The following SCFD2 variants were observed in gnomAD, a reference collection of about 807,000 sequenced individuals.
The protein encoded by SCFD2 is sec1 family domain containing 2.
Under a neutral mutation model 58.9 loss-of-function variants are expected in SCFD2, and 54 were observed. The ratio of observed to expected loss-of-function variants is 0.92; its 90% CI spans 0.74 to 1.15. The LOEUF (loss-of-function observed/expected upper bound fraction) is 1.15, where lower values mean the gene tolerates loss of function less well. SCFD2 is among the 50% of genes most tolerant of loss of function. SCFD2 has a pLI of 0.00. For synonymous variants in SCFD2, 321 were observed against 335.9 expected, an observed-to-expected ratio of 0.96 and a Z score of 0.49; for missense variants, 805 against 836.6, an observed-to-expected ratio of 0.96 and a Z score of 0.47.
At chr4:53,087,307 G>C (rs1453911369) in intron 5 of SCFD2, among the ~76,000 whole-genome samples, 2 of 152,194 alleles carry the variant, frequency 1.3e-5, no homozygotes, top group East Asian at 3.9e-4. Context: ...TAGAACTTGT[G>C]GGCAAATAAA....
At chr4:53,174,654 G>C (rs1210173964) in intron 4 of SCFD2, among the ~76,000 whole-genome samples, 1 of 152,060 alleles carries the variant, frequency 6.6e-6, no homozygotes, top group Non-Finnish European at 1.5e-5. Context: ...GATTAAATTG[G>C]GCACAGGGAA....
At chr4:53,031,057 GC>G (rs1403928995) in intron 5 of SCFD2, among the ~76,000 whole-genome samples, 2 of 152,220 alleles carry the variant, frequency 1.3e-5, no homozygotes, top group African/African-American at 2.4e-5. Flanking sequence ...TCTGGTAGGT[GC>G]CCCTGTGGGA....
chr4:52,921,332 C>G (rs998034199), intron 5 of SCFD2, among the ~76,000 whole-genome samples: 1 of 152,168 alleles, frequency 6.6e-6, no homozygotes, highest in Non-Finnish European at 1.5e-5. Flanking sequence ...AATGCACTAA[C>G]AAAGCACGTG....
intron 2 of SCFD2, among the ~76,000 whole-genome samples, chr4:53,334,386 T>C (rs1220437455): frequency 3.3e-5 from 5 of 152,012 alleles, no homozygotes; most frequent in African/African-American, 1.2e-4. Flanking sequence ...ATTAAGAAAA[T>C]GTGGCACATA....
intron 5 of SCFD2, among the ~76,000 whole-genome samples, chr4:53,081,930 A>C (rs1724159494): frequency 6.6e-6 from 1 of 152,156 alleles, no homozygotes. Flanking sequence ...TATTCTGGAC[A>C]TTTCATATAA....
chr4:52,943,215 A>G (rs1027912803), intron 5 of SCFD2, among the ~76,000 whole-genome samples: 1 of 147,836 alleles, frequency 6.8e-6, no homozygotes, highest in Non-Finnish European at 1.5e-5. Flanking sequence ...TCAGTAACTC[A>G]TGCCTTAAAC....
At chr4:53,127,396 T>C (rs1400924721) in intron 5 of SCFD2, among the ~76,000 whole-genome samples, 1 of 151,946 alleles carries the variant, frequency 6.6e-6, no homozygotes, top group Non-Finnish European at 1.5e-5. Flanking sequence ...TTATTAAGAG[T>C]CTTCTATGTG....
intron 3 of SCFD2, among the ~76,000 whole-genome samples, chr4:53,284,678 CAAG>C (rs2149080521): frequency 6.6e-6 from 1 of 151,956 alleles, no homozygotes; most frequent in East Asian, 1.9e-4. Context: ...GGGGTTTAAA[CAAG>C]AAAGAAATAT....
chr4:53,099,384 A>G (rs1205999279), intron 5 of SCFD2, among the ~76,000 whole-genome samples: 1 of 152,188 alleles, frequency 6.6e-6, no homozygotes, highest in Non-Finnish European at 1.5e-5. Context: ...TTCCTCATTA[A>G]ATATCCTCTA....
At chr4:53,009,990 G>C (rs1722061115) in intron 5 of SCFD2, among the ~76,000 whole-genome samples, 2 of 152,142 alleles carry the variant, frequency 1.3e-5, no homozygotes, top group Non-Finnish European at 2.9e-5. Context: ...GCTGCACTGA[G>C]AGCTTGGAGC....
intron 6 of SCFD2, among the ~76,000 whole-genome samples, chr4:52,909,659 G>A (rs1443677486): frequency 6.6e-6 from 1 of 151,932 alleles, no homozygotes; most frequent in Non-Finnish European, 1.5e-5. Flanking sequence ...CACTACAAAC[G>A]GCAAGAATGA....
intron 5 of SCFD2, among the ~76,000 whole-genome samples, chr4:53,079,820 T>C (rs1408577704): frequency 6.6e-6 from 1 of 152,144 alleles, no homozygotes; most frequent in Non-Finnish European, 1.5e-5. Context: ...AGTCACTCTC[T>C]CCATTATAAA....
chr4:53,060,426 T>C (rs1184056733), intron 5 of SCFD2, among the ~76,000 whole-genome samples: 1 of 152,048 alleles, frequency 6.6e-6, no homozygotes, highest in Non-Finnish European at 1.5e-5. Context: ...CCTCAAGAGG[T>C]TGAAAGATGC....
At chr4:53,104,365 G>T (rs1468531303) in intron 5 of SCFD2, among the ~76,000 whole-genome samples, 1 of 152,132 alleles carries the variant, frequency 6.6e-6, no homozygotes, top group Non-Finnish European at 1.5e-5. Context: ...TCCCAGCTAA[G>T]AGCATACAAA....
chr4:53,263,661 T>G (rs1577912060), intron 4 of SCFD2, among the ~76,000 whole-genome samples: 1 of 151,856 alleles, frequency 6.6e-6, no homozygotes. Context: ...AGCAGGGGAG[T>G]GAAGTGGACT....
At chr4:53,056,592 C>A (rs1322672947) in intron 5 of SCFD2, among the ~76,000 whole-genome samples, 1 of 151,998 alleles carries the variant, frequency 6.6e-6, no homozygotes, top group Non-Finnish European at 1.5e-5. Flanking sequence ...TTAGCTTGGA[C>A]AAAACTAGTA....
intron 6 of SCFD2, among the ~76,000 whole-genome samples, chr4:52,919,114 G>A (rs926398860): frequency 6.6e-6 from 1 of 152,202 alleles, no homozygotes; most frequent in Admixed American, 6.5e-5. Context: ...TGGCAGCAGG[G>A]AGATAAGGTC....
chr4:53,265,278 T>C (rs893321178), intron 4 of SCFD2, among the ~76,000 whole-genome samples: 2 of 152,178 alleles, frequency 1.3e-5, no homozygotes, highest in Non-Finnish European at 2.9e-5. Context: ...TCCCACAAAA[T>C]CTTTTCTGGG....
At chr4:52,886,416 T>C (rs185119333) in intron 7 of SCFD2, among the ~76,000 whole-genome samples, 1 of 152,370 alleles carries the variant, frequency 6.6e-6, no homozygotes. Context: ...CAATTGTCAG[T>C]GTGACCTCTT....
Sources: gnomAD v4.1 joint callset for allele counts (sites outside exome capture counted in the v4.1 genomes callset) on GRCh38, gnomAD v4.1.1 for gene constraint, MANE v1.5 for transcripts, NCBI Gene and HGNC (gene_info 2026-07-23, HGNC 2026-07-21) for gene names.